D2HGDH: variants seen among roughly 807,000 people sequenced by gnomAD.
D2HGDH encodes the protein D-2-hydroxyglutarate dehydrogenase, also known as D-2-hydroxyglutarate dehydrogenase, mitochondrial.
D2HGDH carries 31 observed loss-of-function variants against 46.9 expected under a neutral mutation model. The observed-to-expected ratio is 0.66, with a 90% CI of 0.50 to 0.89. The LOEUF (loss-of-function observed/expected upper bound fraction) is 0.89, where lower values mean the gene tolerates loss of function less well. Ranked by LOEUF, D2HGDH falls within the 40% of genes least tolerant of loss-of-function variation. The pLI, the probability that D2HGDH is intolerant of heterozygous loss-of-function variation, is 0.00. For missense variants in D2HGDH, 698 were observed against 720.8 expected, an observed-to-expected ratio of 0.97 and a Z score of 0.36; for synonymous variants, 364 against 332.6, an observed-to-expected ratio of 1.09 and a Z score of -1.03.
intron 1 of D2HGDH, 119 bp from the exon 2 acceptor site, chr2:241,735,014 A>C: frequency 3.6e-6 from 2 of 552,546 alleles, no homozygotes; most frequent in East Asian, 3.5e-5. Context: ...GGGCAGGGGG[A>C]GGGCCCGGGT....
At position 241,735,501 on chromosome 2, in the gene D2HGDH, T is replaced by C. The variant is rs779896919; in HGVS notation, c.277T>C (p.Leu93=). Residue 93 remains leucine, a synonymous_variant, in exon 2 of 10, where the codon TTG becomes CTG. Transcript: ENST00000321264. Reference sequence around the variant, plus strand: ...GCTGCAGGCTCCCAACGTGGACTGGTTGCGGACGCTGCGAGGTGGGTGAGG... The same window carrying C: ...GCTGCAGGCTCCCAACGTGGACTGGCTGCGGACGCTGCGAGGTGGGTGAGG... ...EALQAPNVDW[L]RTLRGCSKVL... 11 of 1,606,976 alleles carry C rather than the reference T, an allele frequency of 6.8e-6. No homozygotes were observed. Among genetic ancestry groups the C allele is most frequent in the Non-Finnish European group, 9.3e-6 (11 of 1,179,780 alleles).
intron 9 of D2HGDH, among the ~76,000 whole-genome samples, chr2:241,756,773 C>G (rs547804077): frequency 6.6e-6 from 1 of 152,348 alleles, no homozygotes; most frequent in East Asian, 1.9e-4. Flanking sequence ...CTGCCCACTT[C>G]GGCCTCTCAA....
intron 8 of D2HGDH, 63 bp downstream of exon 8, chr2:241,751,451 A>T: frequency 4.4e-6 from 7 of 1,601,420 alleles, no homozygotes; most frequent in Non-Finnish European, 6.0e-6. Flanking sequence ...TTGTCTTGGG[A>T]TGCCTGGAAC....
In D2HGDH at chr2:241,735,508, C is replaced by CGCTGCGAGGTGGGTGAGGCTTGGGAA; in HGVS notation, c.291_292+24dup. 1 of 1,606,354 alleles carries CGCTGCGAGGTGGGTGAGGCTTGGGAA rather than the reference C, an allele frequency of 6.2e-7. No homozygotes were observed. Among genetic ancestry groups the CGCTGCGAGGTGGGTGAGGCTTGGGAA allele is most frequent in the Non-Finnish European group, 8.5e-7 (1 of 1,179,758 alleles). ...GCTCCCAACGTGGACTGGTTGCGGA[C>CGCTGCGAGGTGGGTGAGGCTTGGGAA]GCTGCGAGGTGGGTGAGGCTTGGGA... is the stretch of plus-strand genomic sequence containing the variant. On this transcript the variant is annotated stop_gained and frameshift_variant, in exon 2 of 10. Coordinates refer to ENST00000321264, the MANE Select transcript of D2HGDH (RefSeq NM_152783.5). LOFTEE classifies it high-confidence loss of function.
At position 241,734,643 on chromosome 2, in the gene D2HGDH, G is replaced by A. The variant is rs535862564; in HGVS notation, c.-145G>A. 6.6e-6 allele frequency: 1 copy of A among 151,520 alleles called. No homozygotes were observed. Among genetic ancestry groups the A allele is most frequent in the East Asian group, 1.9e-4 (1 of 5,146 alleles). The allele number at this position is 151,520 out of a possible 1,614,324, so 9.4% of individuals were successfully genotyped here. Reference sequence around the variant, plus strand: ...GTCGCCCCGCCCACTCCGGCTCGGCGGCTCTGGGCCTGCGGCGGGCGCTGC... The same window carrying A: ...GTCGCCCCGCCCACTCCGGCTCGGCAGCTCTGGGCCTGCGGCGGGCGCTGC... On this transcript the variant is annotated 5_prime_UTR_variant, in exon 1 of 10. Coordinates refer to ENST00000321264, the MANE Select transcript of D2HGDH (RefSeq NM_152783.5).
At chr2:241,740,950 A>G in intron 2 of D2HGDH, 83 bp from the exon 3 acceptor site, 1 of 1,171,402 alleles carries the variant, frequency 8.5e-7, no homozygotes, top group Non-Finnish European at 1.3e-6. Flanking sequence ...CAAAAAAAAA[A>G]ACTCGCTCTC....
chr2:241,761,544 AG>A (rs985067433), intron 9 of D2HGDH, among the ~76,000 whole-genome samples: 4 of 152,142 alleles, frequency 2.6e-5, no homozygotes, highest in Non-Finnish European at 5.9e-5. Flanking sequence ...GTCTCAAGAA[AG>A]AAAAGTATAC....
Position 241,755,231 on chromosome 2 carries a change from C to CCT in D2HGDH, c.1141-617_1141-616insTC. The CCT allele has an allele frequency of 1.3e-5, 14 of 1,085,662 alleles. No individual in the cohort carries two copies. The South Asian group carries it at 1.5e-4, about 11-fold the overall frequency. The allele number at this position is 1,085,662 out of a possible 1,614,324, so 67.3% of individuals were successfully genotyped here. A position where few individuals can be genotyped will look rare whatever the true frequency, so the allele number is the denominator to read the frequency against. ...TCCACGGCCCGCCCACCGTGTCCTTCCCTCCCCCGTGGCCCACCCACCATG... is the reference window on the plus strand; with the variant it reads ...TCCACGGCCCGCCCACCGTGTCCTTCCTCCTCCCCCGTGGCCCACCCACCATG... On this transcript the variant is annotated intron_variant, in intron 8 of 9. Coordinates refer to ENST00000321264, the MANE Select transcript of D2HGDH (RefSeq NM_152783.5).
chr2:241,745,444 G>C (rs1211679542), intron 6 of D2HGDH, among the ~76,000 whole-genome samples: 2 of 152,218 alleles, frequency 1.3e-5, no homozygotes, highest in Admixed American at 1.3e-4. Context: ...CTCCTCAGGA[G>C]TTCAGAAGTC....
intron 8 of D2HGDH, among the ~76,000 whole-genome samples, chr2:241,753,306 G>A (rs1168287181): frequency 6.6e-6 from 1 of 152,192 alleles, no homozygotes; most frequent in Non-Finnish European, 1.5e-5. Flanking sequence ...CTGTTGTCCG[G>A]TGTTGGCGAG....
chr2:241,743,740 C>T lies in D2HGDH; in HGVS notation c.609C>T (p.Asn203=), dbSNP rs142940547. The T allele has an allele frequency of 9.3e-6, 15 of 1,613,146 alleles. No homozygotes were observed. Among genetic ancestry groups the T allele is most frequent in the South Asian group, 3.3e-5 (3 of 90,822 alleles). Residue 203 remains asparagine, a synonymous_variant, in exon 5 of 10, where the codon AAC becomes AAT. Coordinates refer to ENST00000321264, the MANE Select transcript of D2HGDH (RefSeq NM_152783.5). The surrounding 1 kb of genome is among the most constrained non-coding windows in gnomAD (Gnocchi z 4.8). ...AGGGCAGCTGCCACATCGGGGGAAA[C>T]GTGGCAACCAACGCTGGAGGCCTGC... ...GAKGSCHIGG[N]VATNAGGLRF...
intron 2 of D2HGDH, among the ~76,000 whole-genome samples, chr2:241,737,093 C>T (rs1160996912): frequency 1.3e-5 from 2 of 152,158 alleles, no homozygotes; most frequent in Non-Finnish European, 2.9e-5. Context: ...CTCCGCCTCC[C>T]GAGTAGCTGG....
chr2:241,755,959 C>T lies in D2HGDH; in HGVS notation c.1251C>T (p.Asp417=), dbSNP rs1296559500. 15 of 1,608,018 alleles carry T rather than the reference C, an allele frequency of 9.3e-6. No homozygotes were observed. The highest frequency in any genetic ancestry group is 2.2e-5 in the East Asian group (1 of 44,654). Residue 417 remains aspartate (D), a synonymous_variant, in exon 9 of 10, where the codon GAC becomes GAT. Coordinates refer to ENST00000321264, the MANE Select transcript of D2HGDH (RefSeq NM_152783.5). ...AGCGGCTCTACGACATCGTGACTGA[C>T]CTGCGCGCCCGCCTCGGCCCGCACG... is the stretch of plus-strand genomic sequence containing the variant. ...PVERLYDIVT[D]LRARLGPHAK... is the part of the protein sequence containing the mutation.
chr2:241,753,709 G>A (rs1423142205), intron 8 of D2HGDH, among the ~76,000 whole-genome samples: 1 of 152,264 alleles, frequency 6.6e-6, no homozygotes, highest in Non-Finnish European at 1.5e-5. Context: ...GCTCCTCTGA[G>A]TAGTGACCAC....
chr2:241,742,678 G>A lies in D2HGDH; in HGVS notation c.490+104G>A. 4 of 1,449,674 alleles carry A rather than the reference G, an allele frequency of 2.8e-6. No individual in the cohort carries two copies. Among genetic ancestry groups the A allele is most frequent in the South Asian group, 1.1e-5 (1 of 86,960 alleles). 89.8% of individuals were successfully genotyped at this position (1,449,674 alleles called of 1,614,324 possible). On this transcript the variant is annotated intron_variant, in intron 4 of 9. Coordinates refer to ENST00000321264, the MANE Select transcript of D2HGDH (RefSeq NM_152783.5). The surrounding 1 kb of genome is among the most constrained non-coding windows in gnomAD (Gnocchi z 4.8). ...GTGGGGTGCTTGGGTGGGTGAATGAGTTAGGGCCGGCGCTGGGGAAAGAAC... is the reference window on the plus strand; with the variant it reads ...GTGGGGTGCTTGGGTGGGTGAATGAATTAGGGCCGGCGCTGGGGAAAGAAC...
intron 2 of D2HGDH, among the ~76,000 whole-genome samples, chr2:241,738,749 G>C (rs1693618651): frequency 6.6e-6 from 1 of 152,232 alleles, no homozygotes; most frequent in Admixed American, 6.5e-5. Flanking sequence ...TGTGCCTGTG[G>C]GAGGGCGCCT....
chr2:241,758,815 A>T (rs1461660414), intron 9 of D2HGDH, among the ~76,000 whole-genome samples: 2 of 82,128 alleles, frequency 2.4e-5, no homozygotes, highest in Admixed American at 1.4e-4. Context: ...GTGTGTGTAG[A>T]GCCAGACTCA....
intron 9 of D2HGDH, among the ~76,000 whole-genome samples, chr2:241,760,678 T>C (rs1698717766): frequency 6.6e-6 from 1 of 151,962 alleles, no homozygotes. Flanking sequence ...GTCGAAGGAC[T>C]TCGACACAGC....
chr2:241,743,394 T>C lies in D2HGDH; in HGVS notation c.491-228T>C, dbSNP rs1695036785. On this transcript the variant is annotated intron_variant, in intron 4 of 9. Coordinates refer to ENST00000321264, the MANE Select transcript of D2HGDH (RefSeq NM_152783.5). This position sits in a 1 kb window ranked among gnomAD's most constrained non-coding sequence, Gnocchi z 4.8. Reference sequence around the variant, plus strand: ...GGGTGGGAAGTTTTTTCCTCTCTTTTCATGTTACTCATTTTTTTTTTGTGT... The same window carrying C: ...GGGTGGGAAGTTTTTTCCTCTCTTTCCATGTTACTCATTTTTTTTTTGTGT... Among the ~76,000 whole-genome samples, 1 of 152,202 alleles carries C rather than the reference T, an allele frequency of 6.6e-6. No individual in the cohort carries two copies. Among genetic ancestry groups the C allele is most frequent in the Admixed American group, 6.5e-5 (1 of 15,288 alleles).
Sources: allele counts gnomAD v4.1 joint callset (sites outside exome capture counted in the v4.1 genomes callset), GRCh38; gene constraint gnomAD v4.1.1; non-coding constraint Gnocchi (gnomAD v3.1); transcripts MANE v1.5; gene names NCBI Gene and HGNC (gene_info 2026-07-23, HGNC 2026-07-21).